PRKCA: variants seen among roughly 807,000 people sequenced by gnomAD.
PRKCA encodes the protein protein kinase C alpha type.
PRKCA carries 27 observed loss-of-function variants against 87.0 expected under a neutral mutation model. The ratio of observed to expected loss-of-function variants is 0.31; its 90% CI spans 0.23 to 0.43. PRKCA has a LOEUF of 0.43. Among genes scored for constraint, PRKCA ranks in the 20% least tolerant of loss-of-function variants. PRKCA has a pLI of 1.00. For synonymous variants in PRKCA, 329 were observed against 311.1 expected (o/e 1.06, Z -0.61); for missense variants, 518 against 852.3 (o/e 0.61, Z 4.88).
chr17:66,391,516 A>C (rs1346365758), intron 2 of PRKCA, among the ~76,000 whole-genome samples: 2 of 152,100 alleles, frequency 1.3e-5, no homozygotes, highest in Non-Finnish European at 2.9e-5. Context: ...AGCACCTACC[A>C]CAGTGCCTGG....
chr17:66,641,089 C>T (rs573473423), intron 3 of PRKCA: 28 of 360,860 alleles, frequency 7.8e-5, no homozygotes, highest in East Asian at 6.0e-4. Flanking sequence ...ACCCAGGAGG[C>T]GGAGGTTGCA....
intron 2 of PRKCA, among the ~76,000 whole-genome samples, chr17:66,368,267 A>G (rs1271955368): frequency 6.6e-6 from 1 of 150,776 alleles, no homozygotes; most frequent in Non-Finnish European, 1.5e-5. Context: ...GTCTGGAGCA[A>G]ATCCCTTAGC....
At chr17:66,718,345 T>C (rs1390089689) in intron 8 of PRKCA, among the ~76,000 whole-genome samples, 2 of 152,146 alleles carry the variant, frequency 1.3e-5, no homozygotes, top group Non-Finnish European at 2.9e-5. Context: ...CAGGGTCTCA[T>C]TCTGATGCCC....
At chr17:66,733,722 G>A (rs1054969186) in intron 9 of PRKCA, among the ~76,000 whole-genome samples, 4 of 152,182 alleles carry the variant, frequency 2.6e-5, no homozygotes, top group African/African-American at 9.7e-5. Context: ...AACCTGGGAG[G>A]TGGAGGTTGC....
intron 2 of PRKCA, among the ~76,000 whole-genome samples, chr17:66,468,104 C>G (rs1915165636): frequency 6.6e-6 from 1 of 152,084 alleles, no homozygotes; most frequent in East Asian, 1.9e-4. Context: ...AGTGAAGATA[C>G]GATGTCTCTG....
chr17:66,754,291 G>T (rs1974500571), intron 13 of PRKCA, among the ~76,000 whole-genome samples: 1 of 151,908 alleles, frequency 6.6e-6, no homozygotes, highest in Non-Finnish European at 1.5e-5. Context: ...CAGGAAGGAG[G>T]AATAAAGGCC....
intron 2 of PRKCA, among the ~76,000 whole-genome samples, chr17:66,319,129 T>G (rs2143199519): frequency 6.6e-6 from 1 of 152,098 alleles, no homozygotes; most frequent in South Asian, 2.1e-4. Flanking sequence ...CCCTGTCCCC[T>G]CCACCCCCAC....
chr17:66,752,151 G>T (rs1974445663), intron 13 of PRKCA, among the ~76,000 whole-genome samples: 1 of 152,144 alleles, frequency 6.6e-6, no homozygotes, highest in African/African-American at 2.4e-5. Flanking sequence ...GCATCTTCCT[G>T]AAAGCCCAAC....
chr17:66,391,860 T>A (rs1219072143), intron 2 of PRKCA, among the ~76,000 whole-genome samples: 1 of 152,072 alleles, frequency 6.6e-6, no homozygotes, highest in African/African-American at 2.4e-5. Flanking sequence ...CACAGCCTCC[T>A]CTTGCGCTAG....
At chr17:66,718,595 A>G (rs1350267164) in intron 8 of PRKCA, among the ~76,000 whole-genome samples, 1 of 152,176 alleles carries the variant, frequency 6.6e-6, no homozygotes, top group Non-Finnish European at 1.5e-5. Flanking sequence ...CTGGGATTAG[A>G]GGCATCAGCC....
chr17:66,797,736 C>T (rs1028742353), intron 16 of PRKCA, among the ~76,000 whole-genome samples: 4 of 152,216 alleles, frequency 2.6e-5, no homozygotes, highest in Non-Finnish European at 5.9e-5. Context: ...GTGCCGACAT[C>T]GCCTGGTCTC....
intron 3 of PRKCA, among the ~76,000 whole-genome samples, chr17:66,534,071 AC>A (rs546441020): frequency 4.5e-5 from 4 of 88,504 alleles, no homozygotes; most frequent in Non-Finnish European, 1.0e-4. Flanking sequence ...TGCCCCCCGC[AC>A]CCCCCCCAAA....
At chr17:66,619,224 C>T (rs1970603888) in intron 3 of PRKCA, among the ~76,000 whole-genome samples, 1 of 152,146 alleles carries the variant, frequency 6.6e-6, no homozygotes, top group Non-Finnish European at 1.5e-5. Flanking sequence ...TTATGGGCGT[C>T]AGAGCTGTTT....
chr17:66,321,854 G>C (rs1905689778), intron 2 of PRKCA, among the ~76,000 whole-genome samples: 1 of 152,118 alleles, frequency 6.6e-6, no homozygotes, highest in Non-Finnish European at 1.5e-5. Flanking sequence ...AAAAATCTTT[G>C]ATAGTTCCCA....
chr17:66,309,489 C>T lies in PRKCA; in HGVS notation c.205+3362C>T, dbSNP rs546393609. Reference sequence around the variant, plus strand: ...CAATATAGGTATACAATCCTGAAAACTGATATTACCAGGGCAAGTAACACA... The same window carrying T: ...CAATATAGGTATACAATCCTGAAAATTGATATTACCAGGGCAAGTAACACA... On this transcript the variant is annotated intron_variant, in intron 2 of 16. Transcript: ENST00000413366. Among the ~76,000 whole-genome samples, 8 of 152,212 alleles carry T rather than the reference C, an allele frequency of 5.3e-5. No homozygotes were observed. In the East Asian group the frequency reaches 1.5e-3, roughly 29 times the overall value.
intron 3 of PRKCA, among the ~76,000 whole-genome samples, chr17:66,618,829 A>G (rs1398715198): frequency 6.6e-6 from 1 of 152,216 alleles, no homozygotes; most frequent in East Asian, 1.9e-4. Context: ...ACTGTGTCCC[A>G]TATCCTCAGG....
chr17:66,789,015 A>G (rs1240510393), intron 16 of PRKCA, 36 bp downstream of exon 16: 8 of 1,612,712 alleles, frequency 5.0e-6, no homozygotes, highest in South Asian at 3.3e-5. Flanking sequence ...TCGGAACCCC[A>G]TGTCCCCAAA....
intron 3 of PRKCA, among the ~76,000 whole-genome samples, chr17:66,635,206 A>G (rs1278689837): frequency 6.6e-6 from 1 of 152,200 alleles, no homozygotes; most frequent in Non-Finnish European, 1.5e-5. Context: ...GTCCAGGTTT[A>G]TAGATGTAGG....
chr17:66,515,372 G>A (rs888104517), intron 3 of PRKCA, among the ~76,000 whole-genome samples: 3 of 152,036 alleles, frequency 2.0e-5, no homozygotes, highest in South Asian at 2.1e-4. Flanking sequence ...GTGTGCACAC[G>A]TGTGTGTAAG....
Sources: allele counts gnomAD v4.1 joint callset (sites outside exome capture counted in the v4.1 genomes callset), GRCh38; gene constraint gnomAD v4.1.1; transcripts MANE v1.5; gene names NCBI Gene and HGNC (gene_info 2026-07-23, HGNC 2026-07-21).